Variants in ADGRB3 observed in about 807,000 individuals in gnomAD.
ADGRB3 encodes adhesion G protein-coupled receptor B3, also known as brain-specific angiogenesis inhibitor 3.
In ADGRB3, 37 loss-of-function variants were observed where a neutral mutation model predicts 193.4. That is an observed-to-expected ratio of 0.19 (90% confidence interval 0.15 to 0.25). The LOEUF (loss-of-function observed/expected upper bound fraction) is 0.25. ADGRB3 is among the 10% of genes least tolerant of loss of function. The pLI, the probability that ADGRB3 is intolerant of heterozygous loss-of-function variation, is 1.00. For synonymous variants in ADGRB3, 690 were observed against 644.2 expected (o/e 1.07, Z -1.08); for missense variants, 1,637 against 1,852.9 (o/e 0.88, Z 2.14).
chr6:69,162,767 C>A (rs148129356), intron 17 of ADGRB3, among the ~76,000 whole-genome samples: 18 of 152,198 alleles, frequency 1.2e-4, no homozygotes, highest in African/African-American at 4.1e-4. Context: ...AATAGATAGA[C>A]TCAGACATTA....
chr6:69,284,684 G>A (rs1283901619), intron 20 of ADGRB3, among the ~76,000 whole-genome samples: 1 of 152,092 alleles, frequency 6.6e-6, no homozygotes. Context: ...TTGATTTTAA[G>A]TTGATTTATT....
chr6:69,332,803 C>T, intron 23 of ADGRB3, 120 bp from the exon 24 acceptor site: 7 of 1,464,196 alleles, frequency 4.8e-6, no homozygotes, highest in Non-Finnish European at 5.4e-6. Flanking sequence ...TTTGAGAGTG[C>T]TTCATACCAC....
At chr6:68,796,040 A>G (rs528124467) in intron 3 of ADGRB3, among the ~76,000 whole-genome samples, 1 of 152,246 alleles carries the variant, frequency 6.6e-6, no homozygotes, top group South Asian at 2.1e-4. Context: ...AGAATCATTG[A>G]TGTGAAAGAA....
chr6:69,217,352 A>C (rs949264547), intron 17 of ADGRB3, among the ~76,000 whole-genome samples: 3 of 152,188 alleles, frequency 2.0e-5, no homozygotes, highest in Non-Finnish European at 4.4e-5. Flanking sequence ...CTCTAAGATA[A>C]ATCTGTATAA....
chr6:69,083,568 G>A (rs1772456674), intron 17 of ADGRB3, among the ~76,000 whole-genome samples: 2 of 152,056 alleles, frequency 1.3e-5, no homozygotes, highest in African/African-American at 4.8e-5. Context: ...GTGTTAAAGG[G>A]TAAGAATTTC....
chr6:69,179,159 GAATTCCTCA>G (rs1344587215), intron 17 of ADGRB3, among the ~76,000 whole-genome samples: 1 of 151,930 alleles, frequency 6.6e-6, no homozygotes, highest in Non-Finnish European at 1.5e-5. Flanking sequence ...TTTTTTAAAT[GAATTCCTCA>G]AAGAATTTCA....
chr6:69,038,060 G>A (rs998750323), intron 13 of ADGRB3, among the ~76,000 whole-genome samples: 1 of 152,156 alleles, frequency 6.6e-6, no homozygotes, highest in African/African-American at 2.4e-5. Context: ...GAATACTGTA[G>A]GGGCTCAATA....
chr6:68,938,219 C>CA (rs988704590), intron 5 of ADGRB3, among the ~76,000 whole-genome samples: 5 of 150,720 alleles, frequency 3.3e-5, no homozygotes, highest in Admixed American at 2.0e-4. Flanking sequence ...GAAGTAAAAA[C>CA]AAAAAAAGAT....
At chr6:69,314,977 A>G (rs1424514599) in intron 20 of ADGRB3, among the ~76,000 whole-genome samples, 2 of 151,522 alleles carry the variant, frequency 1.3e-5, no homozygotes, top group Non-Finnish European at 3.0e-5. Flanking sequence ...AACCAAAAAT[A>G]TATTTGGAAA....
intron 19 of ADGRB3, among the ~76,000 whole-genome samples, chr6:69,235,467 T>G (rs970285955): frequency 5.9e-5 from 9 of 152,046 alleles, no homozygotes; most frequent in Non-Finnish European, 4.4e-5. Context: ...TTTATCCCAA[T>G]TGCTATGGAG....
At chr6:68,643,049 T>G (rs1023849589) in intron 3 of ADGRB3, among the ~76,000 whole-genome samples, 3 of 152,194 alleles carry the variant, frequency 2.0e-5, no homozygotes, top group Non-Finnish European at 4.4e-5. Context: ...GCAGAAAAAT[T>G]CTACACCAGG....
intron 26 of ADGRB3, among the ~76,000 whole-genome samples, chr6:69,340,448 C>T (rs938723230): frequency 6.6e-6 from 1 of 152,098 alleles, no homozygotes; most frequent in African/African-American, 2.4e-5. Flanking sequence ...TCTACTCTGT[C>T]ATTTTGCATT....
intron 20 of ADGRB3, among the ~76,000 whole-genome samples, chr6:69,259,956 T>G (rs117653491): frequency 0.011 from 1,713 of 152,258 alleles, 33 homozygotes; most frequent in South Asian, 0.04. Context: ...TAGCCAAAAA[T>G]TTTTAAAGAA....
chr6:68,883,748 G>A (rs779695543), intron 3 of ADGRB3, among the ~76,000 whole-genome samples: 8 of 152,136 alleles, frequency 5.3e-5, no homozygotes, highest in Non-Finnish European at 8.8e-5. Flanking sequence ...AGGAACAAAC[G>A]CCGGACACGT....
chr6:68,919,803 G>A (rs1391311211), intron 3 of ADGRB3, among the ~76,000 whole-genome samples: 1 of 152,144 alleles, frequency 6.6e-6, no homozygotes, highest in Non-Finnish European at 1.5e-5. Context: ...CAAGGCAGGA[G>A]GTTTGAAGTC....
chr6:69,105,875 C>A (rs1406053506), intron 17 of ADGRB3, among the ~76,000 whole-genome samples: 1 of 152,022 alleles, frequency 6.6e-6, no homozygotes, highest in Non-Finnish European at 1.5e-5. Context: ...TGGCTCATAC[C>A]TGTAATCCCA....
chr6:69,317,437 T>G (rs1172211766), intron 20 of ADGRB3, among the ~76,000 whole-genome samples: 2 of 151,460 alleles, frequency 1.3e-5, no homozygotes, highest in African/African-American at 2.4e-5. Flanking sequence ...CTCCAGAAAC[T>G]AATCTTCCCT....
At chr6:69,069,553 C>CAAAAAAAAAAAAA in intron 16 of ADGRB3, among the ~76,000 whole-genome samples, 411 of 31,768 alleles carry the variant, frequency 0.013, 126 homozygotes, top group Non-Finnish European at 0.015. Context: ...ACTAAAAATA[C>CAAAAAAAAAAAAA]AAAAAAAAAA....
intron 3 of ADGRB3, among the ~76,000 whole-genome samples, chr6:68,779,228 T>TATTGTGTG (rs1554192670): frequency 9.6e-5 from 9 of 93,292 alleles, no homozygotes; most frequent in African/African-American, 3.5e-4. Flanking sequence ...TATGTATATA[T>TATTGTGTG]TATGTGTGTG....
Sources: allele counts gnomAD v4.1 joint callset (sites outside exome capture counted in the v4.1 genomes callset), GRCh38; gene constraint gnomAD v4.1.1; transcripts MANE v1.5; gene names NCBI Gene and HGNC (gene_info 2026-07-23, HGNC 2026-07-21).